DLG2: variants seen among roughly 807,000 people sequenced by gnomAD.
DLG2 encodes the protein discs large MAGUK scaffold protein 2, also known as disks large homolog 2.
A neutral mutation model predicts 132.5 loss-of-function variants in DLG2; 45 were observed. The observed-to-expected ratio is 0.34, with a 90% CI of 0.27 to 0.44. DLG2 has a LOEUF of 0.44. Among genes scored for constraint, DLG2 ranks in the 20% least tolerant of loss-of-function variants. The pLI, the probability that DLG2 is intolerant of heterozygous loss-of-function variation, is 1.00. For synonymous variants in DLG2, 424 were observed against 419.6 expected (o/e 1.01, Z -0.13); for missense variants, 1,045 against 1,196.9 (o/e 0.87, Z 1.87).
intron 21 of DLG2, among the ~76,000 whole-genome samples, chr11:83,485,865 C>T (rs1037475171): frequency 3.9e-5 from 6 of 152,020 alleles, no homozygotes; most frequent in African/African-American, 1.4e-4. Flanking sequence ...GTAAGTAATT[C>T]ATTACTTTTT....
intron 3 of DLG2, among the ~76,000 whole-genome samples, chr11:85,551,375 A>G (rs780735300): frequency 6.6e-5 from 10 of 152,086 alleles, no homozygotes; most frequent in Non-Finnish European, 1.3e-4. Flanking sequence ...TTCTAAATAT[A>G]ATTTTTTTCT....
intron 7 of DLG2, among the ~76,000 whole-genome samples, chr11:84,408,776 C>T (rs943575822): frequency 6.6e-6 from 1 of 152,112 alleles, no homozygotes. Flanking sequence ...CCACTTATAT[C>T]CAGGCAGTCA....
chr11:84,878,324 T>C (rs2086729516), intron 6 of DLG2, among the ~76,000 whole-genome samples: 1 of 152,162 alleles, frequency 6.6e-6, no homozygotes, highest in Non-Finnish European at 1.5e-5. Context: ...CCATCAATGA[T>C]AGACTGGATA....
chr11:84,006,800 C>A (rs2514159), intron 11 of DLG2, among the ~76,000 whole-genome samples: 1 of 151,280 alleles, frequency 6.6e-6, no homozygotes, highest in Non-Finnish European at 1.5e-5. Flanking sequence ...TAAAAACTCA[C>A]TCTAGGAGAC....
intron 3 of DLG2, among the ~76,000 whole-genome samples, chr11:85,522,690 T>C (rs2074411094): frequency 6.6e-6 from 1 of 152,222 alleles, no homozygotes; most frequent in African/African-American, 2.4e-5. Flanking sequence ...AGGAGATCAC[T>C]GTGGAACTTT....
At chr11:84,227,855 A>C (rs1343095555) in intron 8 of DLG2, among the ~76,000 whole-genome samples, 1 of 151,646 alleles carries the variant, frequency 6.6e-6, no homozygotes, top group Admixed American at 6.6e-5. Context: ...CGGAGGTTGC[A>C]ATGAACTAAG....
At chr11:85,001,940 TCTC>T (rs982296492) in intron 6 of DLG2, among the ~76,000 whole-genome samples, 2 of 152,102 alleles carry the variant, frequency 1.3e-5, no homozygotes, top group Non-Finnish European at 2.9e-5. Context: ...TAAACCCAAA[TCTC>T]CTCTAAAAAC....
At chr11:85,014,868 T>C (rs1031567039) in intron 6 of DLG2, among the ~76,000 whole-genome samples, 2 of 152,218 alleles carry the variant, frequency 1.3e-5, no homozygotes, top group Admixed American at 1.3e-4. Context: ...ACCAGATTTA[T>C]GATCTCCAAG....
intron 6 of DLG2, among the ~76,000 whole-genome samples, chr11:84,986,872 A>T (rs974367272): frequency 6.6e-6 from 1 of 152,136 alleles, no homozygotes; most frequent in African/African-American, 2.4e-5. Context: ...TGCCTGCTCT[A>T]ATCACTCCTC....
chr11:83,918,734 C>G (rs1021586078), intron 15 of DLG2, among the ~76,000 whole-genome samples: 34 of 150,252 alleles, frequency 2.3e-4, no homozygotes, highest in Admixed American at 2.2e-3. Context: ...CCTCAGCTGA[C>G]CATGGGTCCC....
intron 18 of DLG2, among the ~76,000 whole-genome samples, chr11:83,701,081 A>G (rs562384267): frequency 5.7e-4 from 87 of 152,198 alleles, no homozygotes; most frequent in Non-Finnish European, 1.1e-3. Context: ...TTCTTTAAGT[A>G]GATTCTATAA....
chr11:85,475,624 A>G (rs908897694), intron 3 of DLG2, among the ~76,000 whole-genome samples: 1 of 152,194 alleles, frequency 6.6e-6, no homozygotes, highest in Non-Finnish European at 1.5e-5. Flanking sequence ...AGATAATAAT[A>G]AAGACTGCTG....
chr11:85,492,330 T>A (rs531726734), intron 3 of DLG2, among the ~76,000 whole-genome samples: 1 of 152,198 alleles, frequency 6.6e-6, no homozygotes, highest in East Asian at 1.9e-4. Flanking sequence ...AATCAAAAAA[T>A]TGTAATTGCT....
intron 6 of DLG2, among the ~76,000 whole-genome samples, chr11:84,978,663 T>C (rs1419252652): frequency 2.0e-5 from 3 of 152,134 alleles, no homozygotes; most frequent in Non-Finnish European, 4.4e-5. Flanking sequence ...CAAAAATTAA[T>C]TCAAGATGGA....
intron 7 of DLG2, among the ~76,000 whole-genome samples, chr11:84,256,293 C>T (rs143079776): frequency 6.6e-6 from 1 of 152,204 alleles, no homozygotes; most frequent in East Asian, 1.9e-4. Flanking sequence ...GACAGGTGGT[C>T]ATGAAGCCAA....
intron 4 of DLG2, among the ~76,000 whole-genome samples, chr11:85,181,033 CAATT>C (rs1200331592): frequency 1.3e-5 from 2 of 151,286 alleles, no homozygotes; most frequent in South Asian, 4.2e-4. Flanking sequence ...ACAAATTTAT[CAATT>C]GTTTATTATT....
chr11:84,407,154 G>A (rs940458325), intron 7 of DLG2, among the ~76,000 whole-genome samples: 1 of 152,070 alleles, frequency 6.6e-6, no homozygotes, highest in Non-Finnish European at 1.5e-5. Flanking sequence ...GCTCTTCTCT[G>A]CCTGAATCTC....
chr11:84,367,246 A>C (rs947396136), intron 7 of DLG2, among the ~76,000 whole-genome samples: 14 of 152,172 alleles, frequency 9.2e-5, no homozygotes, highest in Non-Finnish European at 2.1e-4. Flanking sequence ...TTTTCAACAG[A>C]GGAGGACAAA....
chr11:83,983,535 T>C (rs988477618), intron 11 of DLG2, among the ~76,000 whole-genome samples: 41 of 152,230 alleles, frequency 2.7e-4, no homozygotes, highest in African/African-American at 8.7e-4. Flanking sequence ...TGAAAAATGA[T>C]GGCATAGTAA....
Sources: gnomAD v4.1 joint callset for allele counts (sites outside exome capture counted in the v4.1 genomes callset) on GRCh38, gnomAD v4.1.1 for gene constraint, MANE v1.5 for transcripts, NCBI Gene and HGNC (gene_info 2026-07-23, HGNC 2026-07-21) for gene names.